The following LRP2 variants were observed in gnomAD, a reference collection of about 807,000 sequenced individuals.
The protein encoded by LRP2 is LDL receptor related protein 2.
Under a neutral mutation model 531.0 loss-of-function variants are expected in LRP2, and 172 were observed. The observed-to-expected ratio is 0.32, with a 90% confidence interval of 0.29 to 0.37. LRP2 has a LOEUF of 0.37. LRP2 is among the 10% of genes least tolerant of loss of function. The probability of loss-of-function intolerance (pLI) is 1.00; values close to 1 mark genes in which losing one functional copy is unlikely to be tolerated. For synonymous variants in LRP2, 1,992 were observed against 2,027.6 expected, an observed-to-expected ratio of 0.98 and a Z score of 0.47; for missense variants, 5,167 against 5,868.3, an observed-to-expected ratio of 0.88 and a Z score of 3.90.
At chr2:169,187,851 A>T (rs1687686832) in intron 49 of LRP2, 119 bp downstream of exon 49, 2 of 1,103,950 alleles carry the variant, frequency 1.8e-6, no homozygotes, top group Non-Finnish European at 2.8e-6. Flanking sequence ...TATCAGGAAT[A>T]GTGATTTTAT....
In LRP2 at chr2:169,128,694, G is replaced by A. The variant is rs371806198; in HGVS notation, c.13937C>T (p.Ala4646Val). Reference sequence around the variant, plus strand: ...TTCAGAGTCTTCTTTAACAAGATTTGCGGTGTCTTTAAAAGTGTCTTCTGT... The same window carrying A: ...TTCAGAGTCTTCTTTAACAAGATTTACGGTGTCTTTAAAAGTGTCTTCTGT... Reference protein sequence around the residue: ...SATEDTFKDTANLVKEDSEV With the variant: ...SATEDTFKDTVNLVKEDSEV Residue 4646 changes from alanine to valine, a missense_variant, in exon 79 of 79, where the codon GCA (alanine) becomes GTA (valine). Physicochemically the swap from Ala to Val is moderately conservative, Grantham distance 64. Coordinates refer to ENST00000649046, the MANE Select transcript of LRP2 (RefSeq NM_004525.3). The A allele has an allele frequency of 1.2e-5, 19 of 1,613,916 alleles. No homozygotes were observed. The highest frequency in any genetic ancestry group is 1.7e-5 in the Admixed American group (1 of 59,988).
chr2:169,161,539 C>T (rs1408939877), intron 63 of LRP2, among the ~76,000 whole-genome samples: 1 of 152,108 alleles, frequency 6.6e-6, no homozygotes. Context: ...TACAGTGGCA[C>T]AATCACAGCT....
intron 13 of LRP2, among the ~76,000 whole-genome samples, chr2:169,277,149 G>C (rs935650566): frequency 7.1e-6 from 1 of 141,102 alleles, no homozygotes; most frequent in Non-Finnish European, 1.5e-5. Flanking sequence ...AACCGAGATT[G>C]CATCACTGCA....
Position 169,272,935 on chromosome 2 carries a change from T to C in LRP2, c.2108A>G (p.His703Arg). ...FGFQLDTDER[H>R]CIAVQNFLIF... ...CAAAACAGACTTCTTACCAATGCAG[T>C]GGCGCTCATCTGTATCCAGTTGGAA... Residue 703 changes from histidine (H) to arginine (R), a missense_variant, in exon 15 of 79, where the codon CAC (histidine) becomes CGC (arginine). Coordinates refer to ENST00000649046, the MANE Select transcript of LRP2 (RefSeq NM_004525.3). 6.2e-7 allele frequency: 1 copy of C among 1,613,686 alleles called. No individual in the cohort carries two copies. The highest frequency in any genetic ancestry group is 8.5e-7 in the Non-Finnish European group (1 of 1,179,690).
At chr2:169,245,058 C>T in intron 21 of LRP2, 126 bp from the exon 22 acceptor site, 2 of 1,017,920 alleles carry the variant, frequency 2.0e-6, no homozygotes, top group Non-Finnish European at 3.0e-6. Flanking sequence ...GAGAAATGTT[C>T]ATCAAGTGAT....
intron 1 of LRP2, among the ~76,000 whole-genome samples, chr2:169,321,884 T>C (rs1301034735): frequency 1.3e-5 from 2 of 152,120 alleles, no homozygotes; most frequent in East Asian, 1.9e-4. Context: ...TGAACTAATA[T>C]ATCCTGTGAT....
intron 61 of LRP2, among the ~76,000 whole-genome samples, 190 bp from the exon 62 acceptor site, chr2:169,166,244 G>T (rs566649967): frequency 6.6e-6 from 1 of 152,350 alleles, no homozygotes; most frequent in South Asian, 2.1e-4. Context: ...CAGTAGATAT[G>T]ATGGGAAACA....
At chr2:169,218,430 A>AT (rs1224889611) in intron 34 of LRP2, among the ~76,000 whole-genome samples, 1 of 151,970 alleles carries the variant, frequency 6.6e-6, no homozygotes, top group African/African-American at 2.4e-5. Context: ...TATCATCCCA[A>AT]TTTTTTTAGC....
In LRP2 at chr2:169,193,747, T is replaced by A; in HGVS notation, c.8830+14A>T. On this transcript the variant is annotated intron_variant, in intron 47 of 78. Transcript: ENST00000649046. Reference sequence around the variant, plus strand: ...GAATGTGACTCTGCAGAGGAATTAATTGGCTTCACTTACGACACTGGTGCC... The same window carrying A: ...GAATGTGACTCTGCAGAGGAATTAAATGGCTTCACTTACGACACTGGTGCC... 6.2e-7 allele frequency: 1 copy of A among 1,614,154 alleles called. No homozygotes were observed. The highest frequency in any genetic ancestry group is 8.5e-7 in the Non-Finnish European group (1 of 1,180,002).
chr2:169,155,936 TTTG>T (rs1480003719), intron 65 of LRP2, among the ~76,000 whole-genome samples: 2 of 152,174 alleles, frequency 1.3e-5, no homozygotes, highest in Non-Finnish European at 2.9e-5. Context: ...TAGGCAAGCT[TTTG>T]TTATTGTTTG....
chr2:169,270,523 A>G lies in LRP2; in HGVS notation c.2320+381T>C, dbSNP rs1169457865. ...TTGCAAGGACAGAAAACCAAACACC[A>G]CATGTTCTCACTCACAGGTGGGAAT... On this transcript the variant is annotated intron_variant, in intron 16 of 78. Transcript: ENST00000649046. 8.1e-5 allele frequency among the ~76,000 whole-genome samples: 12 copies of G among 148,856 alleles called. No homozygotes were observed. The South Asian group carries it at 2.6e-3, about 32-fold the overall frequency.
chr2:169,272,799 G>A lies in LRP2; in HGVS notation c.2116+128C>T, dbSNP rs1036165267. 1.1e-5 allele frequency: 13 copies of A among 1,182,440 alleles called. No individual in the cohort carries two copies. The African/African-American group carries it at 2.0e-4, about 18-fold the overall frequency. 73.2% of individuals were successfully genotyped at this position (1,182,440 alleles called of 1,614,324 possible). On this transcript the variant is annotated intron_variant, in intron 15 of 78. Coordinates refer to ENST00000649046, the MANE Select transcript of LRP2 (RefSeq NM_004525.3). ...GAAGATGCCCTGTGGGCTACAGAAAGCTTATTTGCAGTCAAGAAGTTAGAC... is the reference window on the plus strand; with the variant it reads ...GAAGATGCCCTGTGGGCTACAGAAAACTTATTTGCAGTCAAGAAGTTAGAC...
chr2:169,280,991 A>G (rs1382866589), intron 10 of LRP2, among the ~76,000 whole-genome samples: 3 of 152,260 alleles, frequency 2.0e-5, no homozygotes, highest in Non-Finnish European at 4.4e-5. Context: ...GCAGGTATGC[A>G]AAATGATATA....
intron 10 of LRP2, 78 bp downstream of exon 10, chr2:169,282,795 G>A (rs1449442104): frequency 1.4e-6 from 2 of 1,473,718 alleles, no homozygotes; most frequent in East Asian, 2.3e-5. Context: ...TGATAATTCT[G>A]TTGTCATCAG....
chr2:169,142,012 G>A (rs1160919456), intron 71 of LRP2, among the ~76,000 whole-genome samples: 1 of 152,192 alleles, frequency 6.6e-6, no homozygotes, highest in African/African-American at 2.4e-5. Context: ...AAAACTGGGG[G>A]AAGGCCCCAA....
chr2:169,186,956 T>C (rs1022433926), intron 49 of LRP2, among the ~76,000 whole-genome samples: 1 of 152,232 alleles, frequency 6.6e-6, no homozygotes, highest in Non-Finnish European at 1.5e-5. Flanking sequence ...ATGTATAATA[T>C]AGCACATGTT....
intron 16 of LRP2, among the ~76,000 whole-genome samples, chr2:169,266,521 T>C (rs1257369992): frequency 6.6e-6 from 1 of 152,072 alleles, no homozygotes; most frequent in East Asian, 1.9e-4. Context: ...TTATGAGCAA[T>C]ATATGAACCG....
chr2:169,168,775 T>G, intron 60 of LRP2, 99 bp from the exon 61 acceptor site: 1 of 1,299,870 alleles, frequency 7.7e-7, no homozygotes. Context: ...CATTATAGCC[T>G]GCTCTTCTTT....
chr2:169,162,740 G>T, intron 62 of LRP2, 140 bp from the exon 63 acceptor site: 1 of 882,650 alleles, frequency 1.1e-6, no homozygotes, highest in Non-Finnish European at 1.8e-6. Context: ...AGCTGGGTTA[G>T]GACCATGTGA....
Sources: gnomAD v4.1 joint callset for allele counts (sites outside exome capture counted in the v4.1 genomes callset) on GRCh38, gnomAD v4.1.1 for gene constraint, MANE v1.5 for transcripts, NCBI Gene and HGNC (gene_info 2026-07-23, HGNC 2026-07-21) for gene names.